Variants in NCAM1 observed in about 807,000 individuals in gnomAD.
NCAM1 encodes antigen recognized by monoclonal antibody 5.1H11.
NCAM1 carries 14 observed loss-of-function variants against 109.8 expected under a neutral mutation model. The observed-to-expected ratio is 0.13, with a 90% CI of 0.08 to 0.20. The LOEUF is 0.20. NCAM1 is among the 10% of genes least tolerant of loss of function. NCAM1 has a pLI of 1.00. For synonymous variants in NCAM1, 418 were observed against 442.9 expected (o/e 0.94, Z 0.70); for missense variants, 774 against 1,109.9 (o/e 0.70, Z 4.30).
chr11:113,252,865 G>C (rs1229174361), intron 15 of NCAM1, among the ~76,000 whole-genome samples: 1 of 129,910 alleles, frequency 7.7e-6, no homozygotes, highest in African/African-American at 3.0e-5. Context: ...TGGCCAGGCT[G>C]GTCACAAAAT....
At chr11:113,205,258 G>A (rs1944202420) in intron 3 of NCAM1, among the ~76,000 whole-genome samples, 1 of 152,164 alleles carries the variant, frequency 6.6e-6, no homozygotes, top group Non-Finnish European at 1.5e-5. Context: ...CCTTGGTGAA[G>A]ATATTCCTTT....
chr11:113,193,671 AAGAG>A (rs1206772682), intron 1 of NCAM1, among the ~76,000 whole-genome samples: 3 of 152,152 alleles, frequency 2.0e-5, no homozygotes, highest in Admixed American at 1.3e-4. Flanking sequence ...GAAAAAAAGA[AAGAG>A]AGAAACAGAG....
At chr11:113,176,403 G>T (rs1048556416) in intron 1 of NCAM1, among the ~76,000 whole-genome samples, 2 of 152,166 alleles carry the variant, frequency 1.3e-5, no homozygotes, top group Non-Finnish European at 2.9e-5. Flanking sequence ...TATAAGGAAG[G>T]GTCCCAAGGT....
intron 9 of NCAM1, among the ~76,000 whole-genome samples, chr11:113,222,649 C>A (rs2137109277): frequency 6.6e-6 from 1 of 152,344 alleles, no homozygotes; most frequent in Middle Eastern, 3.4e-3. Context: ...CACTCTTAAG[C>A]AGCTACAGAT....
In NCAM1 at chr11:112,988,016, G is replaced by A. The variant is rs541650283; in HGVS notation, c.52+26352G>A. On this transcript the variant is annotated intron_variant, in intron 1 of 19. Transcript: ENST00000316851. Reference sequence around the variant, plus strand: ...TTTGATATTTTTTCTAGTGGCATACGTCTTGATTTTTTTCTCTTTATCTTT... The same window carrying A: ...TTTGATATTTTTTCTAGTGGCATACATCTTGATTTTTTTCTCTTTATCTTT... Among the ~76,000 whole-genome samples, 16 of 152,052 alleles carry A rather than the reference G, an allele frequency of 1.1e-4. 1 individual carries two copies. The highest frequency in any genetic ancestry group is 3.4e-3 in the Middle Eastern group (1 of 294).
rs1555123068 is a variant in NCAM1, at chr11:113,260,246, T to C, written c.2054T>C (p.Val685Ala). Reference protein sequence around the residue: ...DWNAEYEVYVVAENQQGKSKA... With the variant: ...DWNAEYEVYVAAENQQGKSKA... ...AATGCTGAGTATGAGGTCTACGTGGTGGCTGAGAACCAGCAAGGAAAATCC... is the reference window on the plus strand; with the variant it reads ...AATGCTGAGTATGAGGTCTACGTGGCGGCTGAGAACCAGCAAGGAAAATCC... The change falls in exon 17 of 20, where the codon GTG (valine) becomes GCG (alanine). Residue 685 changes from valine to alanine, a missense_variant. Physicochemically the swap from Val to Ala is moderately conservative, Grantham distance 64. Around this residue, in one of 4 missense-constraint regions of NCAM1, gnomAD observed 523 missense variants for 784.2 expected, o/e 0.67. Coordinates refer to ENST00000316851, the MANE Select transcript of NCAM1 (RefSeq NM_181351.5). The C allele has an allele frequency of 1.9e-6, 3 of 1,614,002 alleles. No individual in the cohort carries two copies. The highest frequency in any genetic ancestry group is 2.2e-5 in the East Asian group (1 of 44,880).
chr11:113,245,746 T>C (rs1945481587), intron 14 of NCAM1, among the ~76,000 whole-genome samples: 1 of 152,176 alleles, frequency 6.6e-6, no homozygotes, highest in Admixed American at 6.5e-5. Flanking sequence ...CCCCTCCTCC[T>C]TATGCCATAG....
rs554609555 is a variant in NCAM1 at position 113,191,941 on chromosome 11, G to A, written c.53-10438G>A. On this transcript the variant is annotated intron_variant, in intron 1 of 19. Transcript: ENST00000316851. ...CATAAGGACATTATTGAAAGGCACG[G>A]GCAGGATCTAAAATTCTCAGGATGA... is the stretch of plus-strand genomic sequence containing the variant. Among the ~76,000 whole-genome samples the A allele has an allele frequency of 2.0e-5, 3 of 152,298 alleles. No homozygotes were observed. The South Asian group carries it at 6.2e-4, about 32-fold the overall frequency.
At chr11:112,966,733 T>C (rs1327514458) in intron 1 of NCAM1, among the ~76,000 whole-genome samples, 2 of 152,214 alleles carry the variant, frequency 1.3e-5, no homozygotes, top group Non-Finnish European at 2.9e-5. Context: ...ATTAGGAGCA[T>C]TGCTTTTTGA....
At chr11:113,246,595 C>T (rs1555120284) in intron 15 of NCAM1, among the ~76,000 whole-genome samples, 1 of 152,220 alleles carries the variant, frequency 6.6e-6, no homozygotes, top group East Asian at 1.9e-4. Flanking sequence ...AATTTGGTCA[C>T]ACAAACTGTT....
intron 1 of NCAM1, among the ~76,000 whole-genome samples, chr11:113,178,423 C>T (rs997759608): frequency 2.6e-5 from 4 of 152,174 alleles, no homozygotes; most frequent in Admixed American, 6.5e-5. Flanking sequence ...TTTGGAGTTC[C>T]GATGTGTATT....
At chr11:113,247,426 C>G (rs893797839) in intron 15 of NCAM1, among the ~76,000 whole-genome samples, 2 of 152,162 alleles carry the variant, frequency 1.3e-5, no homozygotes, top group Non-Finnish European at 2.9e-5. Flanking sequence ...TGGGCGACAT[C>G]CACACAGACA....
intron 1 of NCAM1, among the ~76,000 whole-genome samples, chr11:113,124,925 C>T (rs957961925): frequency 2.6e-5 from 4 of 152,104 alleles, no homozygotes; most frequent in Admixed American, 6.6e-5. Flanking sequence ...TGAGGCCGTC[C>T]GTCATTAAAG....
At chr11:113,070,669 G>A (rs1938219616) in intron 1 of NCAM1, among the ~76,000 whole-genome samples, 1 of 152,182 alleles carries the variant, frequency 6.6e-6, no homozygotes, top group Non-Finnish European at 1.5e-5. Flanking sequence ...TCATAAAAAG[G>A]ATTGATAGGA....
At chr11:113,155,009 G>T (rs1385289939) in intron 1 of NCAM1, among the ~76,000 whole-genome samples, 1 of 152,154 alleles carries the variant, frequency 6.6e-6, no homozygotes, top group Admixed American at 6.5e-5. Context: ...GCAGGTGAGA[G>T]AGCAAAGGAT....
At chr11:113,243,003 C>T in intron 14 of NCAM1, 1 of 984,244 alleles carries the variant, frequency 1.0e-6, no homozygotes, top group Non-Finnish European at 1.2e-6. Context: ...CCTAAGCATG[C>T]CGTCTGCTTG....
At chr11:113,004,694 C>A (rs1224597844) in intron 1 of NCAM1, among the ~76,000 whole-genome samples, 6 of 152,038 alleles carry the variant, frequency 3.9e-5, no homozygotes, top group African/African-American at 7.2e-5. Context: ...CCTTACTATT[C>A]TGAAATTTCA....
intron 11 of NCAM1, 41 bp downstream of exon 11, chr11:113,232,395 G>T: frequency 6.4e-7 from 1 of 1,553,710 alleles, no homozygotes. Context: ...AGAAAGCACA[G>T]TTTGACTCTA....
chr11:113,055,110 T>G (rs1448685775), intron 1 of NCAM1, among the ~76,000 whole-genome samples: 1 of 152,220 alleles, frequency 6.6e-6, no homozygotes, highest in African/African-American at 2.4e-5. Flanking sequence ...TTACTATACT[T>G]CCTTGACTTG....
Sources: gnomAD v4.1 joint callset for allele counts (sites outside exome capture counted in the v4.1 genomes callset) on GRCh38, gnomAD v4.1.1 for gene constraint, gnomAD v4.1.1 regional missense constraint, MANE v1.5 for transcripts, NCBI Gene and HGNC (gene_info 2026-07-23, HGNC 2026-07-21) for gene names.